The following DMAC2 variants were observed in gnomAD, a reference collection of about 807,000 sequenced individuals.
The protein encoded by DMAC2 is distal membrane-arm assembly complex protein 2.
Under a neutral mutation model 29.6 loss-of-function variants are expected in DMAC2, and 32 were observed. The ratio of observed to expected loss-of-function variants is 1.08; its 90% CI spans 0.81 to 1.45. The LOEUF (loss-of-function observed/expected upper bound fraction) is 1.45, where lower values mean the gene tolerates loss of function less well. Among genes scored for constraint, DMAC2 ranks in the 40% most tolerant of loss-of-function variants. The pLI, the probability that DMAC2 is intolerant of heterozygous loss-of-function variation, is 0.00. For synonymous variants in DMAC2, 133 were observed against 137.4 expected, an observed-to-expected ratio of 0.97 and a Z score of 0.23; for missense variants, 319 against 340.0, an observed-to-expected ratio of 0.94 and a Z score of 0.49.
At chr19:41,433,119 G>T in intron 5 of DMAC2, 153 bp downstream of exon 5, 1 of 827,606 alleles carries the variant, frequency 1.2e-6, no homozygotes, top group Non-Finnish European at 1.8e-6. Flanking sequence ...GACTCACTGT[G>T]ACTGCTCATC....
intron 3 of DMAC2, among the ~76,000 whole-genome samples, chr19:41,434,833 T>C (rs971298649): frequency 1.3e-5 from 2 of 151,932 alleles, no homozygotes; most frequent in African/African-American, 4.8e-5. Flanking sequence ...GGTAAAACCC[T>C]GTCTCTACCA....
At chr19:41,435,469 C>T (rs1001390746) in intron 3 of DMAC2, among the ~76,000 whole-genome samples, 3 of 152,088 alleles carry the variant, frequency 2.0e-5, no homozygotes, top group African/African-American at 4.8e-5. Context: ...AGGGTTTCAC[C>T]ACGTTGGCTA....
Position 41,432,810 on chromosome 19 carries a change from G to GTGTGT in DMAC2, c.597-407_597-403dup. The GTGTGT allele has an allele frequency of 5.8e-6, 3 of 513,302 alleles. 1 individual carries two copies. In the South Asian group the frequency reaches 7.5e-5, roughly 13 times the overall value. The allele number at this position is 513,302 out of a possible 1,614,324, so 31.8% of individuals were successfully genotyped here. A position where few individuals can be genotyped will look rare whatever the true frequency, so the allele number is the denominator to read the frequency against. On this transcript the variant is annotated intron_variant, in intron 5 of 5. Coordinates refer to ENST00000221943, the MANE Select transcript of DMAC2 (RefSeq NM_018035.3). Reference sequence around the variant, plus strand: ...TGTGTGTGTGTGTGTGTGTGTGTGTGTGTGTGTAGGGAGGTACTGGCCCCA... The same window carrying GTGTGT: ...TGTGTGTGTGTGTGTGTGTGTGTGTGTGTGTTGTGTGTAGGGAGGTACTGGCCCCA...
At chr19:41,433,901 C>A (rs1389089005) in intron 3 of DMAC2, among the ~76,000 whole-genome samples, 4 of 150,984 alleles carry the variant, frequency 2.6e-5, no homozygotes, top group Non-Finnish European at 5.9e-5. Flanking sequence ...AGTTTGAGAC[C>A]AGCCTGGGCA....
intron 2 of DMAC2, 52 bp from the exon 3 acceptor site, chr19:41,436,524 C>T (rs1555771238): frequency 6.9e-7 from 1 of 1,442,350 alleles, no homozygotes; most frequent in Admixed American, 1.7e-5. Flanking sequence ...CCACAGCCCT[C>T]ACGATGCCCC....
At chr19:41,432,957 AAAATCTTTATAGCTGTCCAG>A (rs1264635518) in intron 5 of DMAC2, 4 of 506,208 alleles carry the variant, frequency 7.9e-6, no homozygotes, top group Non-Finnish European at 6.9e-6. Context: ...TTCCTAAAAT[AAAATCTTTATAGCTGTCCAG>A]GCACATGAAG....
Position 41,432,374 on chromosome 19 carries a change from C to G in DMAC2, c.631G>C (p.Ala211Pro). The change falls in exon 6 of 6, where the codon GCC becomes CCC. Residue 211 changes from alanine to proline, a missense_variant. Physicochemically the swap from Ala to Pro is conservative, Grantham distance 27 (BLOSUM62 -1). Transcript: ENST00000221943. ...TGAGTGAGGCCAGGGTTGGACACGG[C>G]AGGGAGGTCCGAGATGTCCAGCCTG... The part of the protein sequence containing the change: ...LRRLDISDLP[A>P]VSNPGLTQIL... The G allele has an allele frequency of 6.2e-7, 1 of 1,613,980 alleles. No homozygotes were observed. Among genetic ancestry groups the G allele is most frequent in the Non-Finnish European group, 8.5e-7 (1 of 1,179,994 alleles).
At position 41,431,961 on chromosome 19, in the gene DMAC2, C is replaced by T; in HGVS notation, c.*270G>A. 1 of 526,562 alleles carries T rather than the reference C, an allele frequency of 1.9e-6. No individual in the cohort carries two copies. The allele number at this position is 526,562 out of a possible 1,614,324, so 32.6% of individuals were successfully genotyped here. ...CTCCTGACAAGGTGAGTGTGGCTCT[C>T]TGCGGCTACTAACAGCCTGAGCCTT... On this transcript the variant is annotated 3_prime_UTR_variant, in exon 6 of 6. Coordinates refer to ENST00000221943, the MANE Select transcript of DMAC2 (RefSeq NM_018035.3).
At chr19:41,438,477 C>G (rs1012612619) in intron 1 of DMAC2, 63 bp from the exon 2 acceptor site, 1 of 1,392,852 alleles carries the variant, frequency 7.2e-7, no homozygotes, top group Non-Finnish European at 9.7e-7. Context: ...GAGCTGGATC[C>G]CCCAGTTCTT....
intron 1 of DMAC2, chr19:41,439,583 T>C: frequency 6.6e-7 from 1 of 1,523,444 alleles, no homozygotes; most frequent in African/African-American, 1.4e-5. Context: ...CCTTGTGTCA[T>C]CCCTCCCTCT....
In DMAC2 at chr19:41,438,343, G is replaced by T; in HGVS notation, c.90C>A (p.Ala30=). The T allele has an allele frequency of 4.3e-6, 7 of 1,614,214 alleles. No individual in the cohort carries two copies. The highest frequency in any genetic ancestry group is 5.9e-6 in the Non-Finnish European group (7 of 1,180,038). Residue 30 remains alanine, a synonymous_variant, in exon 2 of 6, where the codon GCC becomes GCA. Coordinates refer to ENST00000221943, the MANE Select transcript of DMAC2 (RefSeq NM_018035.3). ...RGIHRLGAAV[A]PEGNQKKKRT... The stretch of plus-strand genomic sequence containing the variant: ...TTTTCTTCTTCTGATTGCCCTCTGG[G>T]GCCACTGCCGCACCCAGGCGATGGA...
In DMAC2 at chr19:41,432,019, G is replaced by A. The variant is rs1392064697; in HGVS notation, c.*212C>T. On this transcript the variant is annotated 3_prime_UTR_variant, in exon 6 of 6. Transcript: ENST00000221943. ...CCAGGCCTGAACAGGGGCATGGAAA[G>A]GGCTGCCTGACAGGGTGACAGGAGC... 2 of 607,438 alleles carry A rather than the reference G, an allele frequency of 3.3e-6. No individual in the cohort carries two copies. The highest frequency in any genetic ancestry group is 5.8e-6 in the Non-Finnish European group (2 of 346,266). 37.6% of individuals were successfully genotyped at this position (607,438 alleles called of 1,614,324 possible).
chr19:41,439,577 G>C, intron 1 of DMAC2: 1 of 1,525,770 alleles, frequency 6.6e-7, no homozygotes, highest in Non-Finnish European at 8.8e-7. Flanking sequence ...TTAGCTCCTT[G>C]TGTCATCCCT....
intron 3 of DMAC2, 106 bp from the exon 4 acceptor site, chr19:41,433,779 GA>G: frequency 7.0e-7 from 1 of 1,430,226 alleles, no homozygotes; most frequent in Non-Finnish European, 9.6e-7. Flanking sequence ...GGTCACCCTT[GA>G]CATAACTAAT....
At chr19:41,436,599 ATATT>A (rs2039877830) in intron 2 of DMAC2, 127 bp from the exon 3 acceptor site, 1 of 772,980 alleles carries the variant, frequency 1.3e-6, no homozygotes, top group Admixed American at 2.4e-5. Flanking sequence ...CAGGCTGAAA[ATATT>A]TATTGCCCAC....
Position 41,438,234 on chromosome 19 carries a change from C to G in DMAC2, c.199G>C (p.Val67Leu). 6.2e-7 allele frequency: 1 copy of G among 1,614,074 alleles called. No homozygotes were observed. The highest frequency in any genetic ancestry group is 8.5e-7 in the Non-Finnish European group (1 of 1,179,916). Residue 67 changes from valine to leucine, a missense_variant, in exon 2 of 6, where the codon GTG becomes CTG. Coordinates refer to ENST00000221943, the MANE Select transcript of DMAC2 (RefSeq NM_018035.3). ...DYLLQREMYK[V>L]HEKNRSYTWL... Reference sequence around the variant, plus strand: ...GATTCTCACCGATTTTTCTCATGCACCTTGTACATCTCCCTTTGGAGCAAG... The same window carrying G: ...GATTCTCACCGATTTTTCTCATGCAGCTTGTACATCTCCCTTTGGAGCAAG...
At position 41,431,530 on chromosome 19, in the gene DMAC2, G is replaced by A. The variant is rs1388286332; in HGVS notation, c.*701C>T. Reference sequence around the variant, plus strand: ...AGGGTGCCAAGGGCAGCTGCTGACCGCCTGGTGCTTCAGGAGCTGGGTGCT... The same window carrying A: ...AGGGTGCCAAGGGCAGCTGCTGACCACCTGGTGCTTCAGGAGCTGGGTGCT... On this transcript the variant is annotated 3_prime_UTR_variant, in exon 6 of 6. Coordinates refer to ENST00000221943, the MANE Select transcript of DMAC2 (RefSeq NM_018035.3). 2.3e-5 allele frequency: 8 copies of A among 349,256 alleles called. No individual in the cohort carries two copies. The highest frequency in any genetic ancestry group is 7.6e-5 in the East Asian group (1 of 13,160). 21.6% of individuals were successfully genotyped at this position (349,256 alleles called of 1,614,324 possible).
chr19:41,436,445 A>G lies in DMAC2; in HGVS notation c.243T>C (p.His81=), dbSNP rs1469925849. The G allele has an allele frequency of 3.7e-6, 6 of 1,614,162 alleles. No individual in the cohort carries two copies. The highest frequency in any genetic ancestry group is 5.1e-6 in the Non-Finnish European group (6 of 1,180,016). The change falls in exon 3 of 6, where the codon CAT becomes CAC. Residue 81 remains histidine (H), a synonymous_variant. Coordinates refer to ENST00000221943, the MANE Select transcript of DMAC2 (RefSeq NM_018035.3). The part of the protein sequence containing the change: ...NRSYTWLEKQ[H]GPYGAGAFFI... ...AAAAGGCACCTGCGCCGTATGGACC[A>G]TGTTGCTTCTCCAGCCAGGTGTAAG...
At chr19:41,438,619 A>G (rs188644328) in intron 1 of DMAC2, among the ~76,000 whole-genome samples, 3 of 152,268 alleles carry the variant, frequency 2.0e-5, no homozygotes, top group Admixed American at 6.5e-5. Flanking sequence ...AGTGAACCCT[A>G]AATTTTCTCG....
Sources: gnomAD v4.1 joint callset for allele counts (sites outside exome capture counted in the v4.1 genomes callset) on GRCh38, gnomAD v4.1.1 for gene constraint, MANE v1.5 for transcripts, NCBI Gene and HGNC (gene_info 2026-07-23, HGNC 2026-07-21) for gene names.